The following PARD3B variants were observed in gnomAD, a reference collection of about 807,000 sequenced individuals.
PARD3B encodes partitioning defective 3 homolog B.
Under a neutral mutation model 130.2 loss-of-function variants are expected in PARD3B, and 103 were observed. The observed-to-expected ratio is 0.79, with a 90% CI of 0.67 to 0.93. PARD3B has a LOEUF of 0.93. PARD3B is among the 40% of genes least tolerant of loss of function. The probability of loss-of-function intolerance (pLI) is 0.00; values close to 1 mark genes in which losing one functional copy is unlikely to be tolerated. For missense variants in PARD3B, 1,609 were observed against 1,499.2 expected (o/e 1.07, Z -1.21); for synonymous variants, 583 against 553.2 (o/e 1.05, Z -0.76).
chr2:205,149,000 C>A (rs1254117927), intron 10 of PARD3B, among the ~76,000 whole-genome samples: 1 of 152,124 alleles, frequency 6.6e-6, no homozygotes, highest in Admixed American at 6.5e-5. Flanking sequence ...CTGGTGGATT[C>A]CCCTGGGCTT....
chr2:205,107,313 T>A (rs1703296919), intron 5 of PARD3B, among the ~76,000 whole-genome samples: 1 of 152,198 alleles, frequency 6.6e-6, no homozygotes, highest in African/African-American at 2.4e-5. Context: ...TTTAGATAAG[T>A]CTTGGGTTTG....
rs991564813 is a variant in PARD3B at position 205,617,326 on chromosome 2, A to T, written c.*1513A>T. On this transcript the variant is annotated 3_prime_UTR_variant, in exon 23 of 23. Transcript: ENST00000406610. Reference sequence around the variant, plus strand: ...TTTGAAATGCTTTAAGCCTTTTCACATTCCTTCTTTATTCCCTCCAAAAAA... The same window carrying T: ...TTTGAAATGCTTTAAGCCTTTTCACTTTCCTTCTTTATTCCCTCCAAAAAA... The T allele has an allele frequency of 2.6e-5, 4 of 152,154 alleles. No individual in the cohort carries two copies. The highest frequency in any genetic ancestry group is 2.0e-4 in the Admixed American group (3 of 15,268). 9.4% of individuals were successfully genotyped at this position (152,154 alleles called of 1,614,324 possible). A position where few individuals can be genotyped will look rare whatever the true frequency, so the allele number is the denominator to read the frequency against.
chr2:204,564,477 A>G (rs747090199), intron 1 of PARD3B, among the ~76,000 whole-genome samples: 23 of 152,208 alleles, frequency 1.5e-4, no homozygotes, highest in Non-Finnish European at 3.2e-4. Flanking sequence ...TTTTCTTAGA[A>G]GACCTGAGGG....
intron 2 of PARD3B, among the ~76,000 whole-genome samples, chr2:204,881,300 A>G (rs2046036364): frequency 3.3e-5 from 5 of 152,122 alleles, no homozygotes; most frequent in Non-Finnish European, 7.4e-5. Context: ...TAATTATATT[A>G]CTTAAATCCC....
At chr2:204,838,969 G>C (rs1039720659) in intron 2 of PARD3B, among the ~76,000 whole-genome samples, 1 of 152,186 alleles carries the variant, frequency 6.6e-6, no homozygotes. Context: ...TTCACTATGT[G>C]TAGATCATAA....
chr2:205,168,288 GGAGAGAGAGAGAGAGA>G (rs761018109), intron 11 of PARD3B, among the ~76,000 whole-genome samples: 4 of 126,844 alleles, frequency 3.2e-5, no homozygotes, highest in Non-Finnish European at 6.4e-5. Context: ...GGTGAGAAAG[GGAGAGAGAGAGAGAGA>G]GAGAGAGAGA....
At chr2:205,381,175 T>TATATAATATATAAAGA (rs1559036074) in intron 18 of PARD3B, among the ~76,000 whole-genome samples, 1 of 119,936 alleles carries the variant, frequency 8.3e-6, no homozygotes, top group Non-Finnish European at 1.6e-5. Context: ...GAATATATAA[T>TATATAATATATAAAGA]ATATATAAAG....
chr2:205,191,075 G>GAAA lies in PARD3B; in HGVS notation c.2025-2116_2025-2114dup, dbSNP rs5837960. On this transcript the variant is annotated intron_variant, in intron 14 of 22. Coordinates refer to ENST00000406610, the MANE Select transcript of PARD3B (RefSeq NM_001302769.2). Reference sequence around the variant, plus strand: ...GTACCCAGACACCAGGAAAGAAATAGAAAAAAAAAAAAAAAAGGCTACATA... The same window carrying GAAA: ...GTACCCAGACACCAGGAAAGAAATAGAAAAAAAAAAAAAAAAAAAGGCTACATA... 4.1e-3 allele frequency among the ~76,000 whole-genome samples: 401 copies of GAAA among 97,720 alleles called. 4 individuals carry two copies. The highest frequency in any genetic ancestry group is 0.012 in the African/African-American group (337 of 28,310). The allele number at this position is 97,720 out of a possible 152,430, so 64.1% of individuals were successfully genotyped here.
rs956954378 is a variant in PARD3B at position 205,142,865 on chromosome 2, G to A, written c.1435-15857G>A. Among the ~76,000 whole-genome samples, 2 of 133,618 alleles carry A rather than the reference G, an allele frequency of 1.5e-5. No homozygotes were observed. Among genetic ancestry groups the A allele is most frequent in the African/African-American group, 5.2e-5 (2 of 38,694 alleles). 87.7% of individuals were successfully genotyped at this position (133,618 alleles called of 152,430 possible). ...TGCACTCCAGCCTGGGTGACAGGAT[G>A]AGACTTCGGTCTCAAAAAATAAATA... On this transcript the variant is annotated intron_variant, in intron 10 of 22. Transcript: ENST00000406610. The surrounding 1 kb of genome is among the most constrained non-coding windows in gnomAD (Gnocchi z 4.3).
Position 204,545,817 on chromosome 2 carries a change from C to G in PARD3B, c.-183C>G, listed in dbSNP as rs2125035915. Reference sequence around the variant, plus strand: ...CGCGGCCGCCCCTCCCCGATTCCCGCCACCTGCCGCCTGGCCAGGTGGAAG... The same window carrying G: ...CGCGGCCGCCCCTCCCCGATTCCCGGCACCTGCCGCCTGGCCAGGTGGAAG... On this transcript the variant is annotated 5_prime_UTR_variant, in exon 1 of 23. Coordinates refer to ENST00000406610, the MANE Select transcript of PARD3B (RefSeq NM_001302769.2). The G allele has an allele frequency of 1.7e-6, 1 of 596,374 alleles. No individual in the cohort carries two copies. Among genetic ancestry groups the G allele is most frequent in the East Asian group, 3.6e-5 (1 of 28,008 alleles). The allele number at this position is 596,374 out of a possible 1,614,324, so 36.9% of individuals were successfully genotyped here. A position where few individuals can be genotyped will look rare whatever the true frequency, so the allele number is the denominator to read the frequency against.
At chr2:205,255,742 G>A (rs1261281709) in intron 16 of PARD3B, among the ~76,000 whole-genome samples, 1 of 151,930 alleles carries the variant, frequency 6.6e-6, no homozygotes, top group Non-Finnish European at 1.5e-5. Context: ...GGATGGAAGA[G>A]ATGAATAGAA....
rs146243242 is a variant in PARD3B at position 205,301,333 on chromosome 2, G to A, written c.2393-131G>A. On this transcript the variant is annotated intron_variant, in intron 17 of 22. Coordinates refer to ENST00000406610, the MANE Select transcript of PARD3B (RefSeq NM_001302769.2). This position sits in a 1 kb window ranked among gnomAD's most constrained non-coding sequence, Gnocchi z 5.2. ...GCAGTCAGATCTTCAAAGGGCGCAC[G>A]TAACCACATAGAAGGGTAGAACTAC... 2,303 of 1,454,386 alleles carry A rather than the reference G, an allele frequency of 1.6e-3. 17 individuals are homozygous for A. Among genetic ancestry groups the A allele is most frequent in the Middle Eastern group, 1.8e-3 (7 of 3,900 alleles). The allele number at this position is 1,454,386 out of a possible 1,614,324, so 90.1% of individuals were successfully genotyped here. A position where few individuals can be genotyped will look rare whatever the true frequency, so the allele number is the denominator to read the frequency against.
chr2:205,052,407 T>TTATATATATATGTATATATA, intron 4 of PARD3B, among the ~76,000 whole-genome samples: 1 of 108,474 alleles, frequency 9.2e-6, no homozygotes, highest in South Asian at 3.1e-4. Context: ...CATGTGTATT[T>TTATATATATATGTATATATA]TATATATATA....
chr2:205,035,995 T>C (rs1465507983), intron 3 of PARD3B, among the ~76,000 whole-genome samples: 1 of 145,402 alleles, frequency 6.9e-6, no homozygotes, highest in Admixed American at 7.0e-5. Context: ...GTAGAATATA[T>C]ATAATGGCCT....
intron 10 of PARD3B, among the ~76,000 whole-genome samples, chr2:205,152,513 A>G (rs1452725206): frequency 2.6e-5 from 4 of 152,104 alleles, no homozygotes; most frequent in South Asian, 2.1e-4. Context: ...TTGATCTTCA[A>G]TCACTGATAC....
intron 21 of PARD3B, among the ~76,000 whole-genome samples, chr2:205,519,283 T>C (rs2050929737): frequency 6.6e-6 from 1 of 152,230 alleles, no homozygotes; most frequent in Admixed American, 6.5e-5. Flanking sequence ...TTTTAAATTG[T>C]TTTTTCTCTA....
Position 205,517,176 on chromosome 2 carries a change from G to T in PARD3B, c.3180+17145G>T, listed in dbSNP as rs541711952. Reference sequence around the variant, plus strand: ...GCTGGGTTCTGTTTGCAAGTATTTTGTTGAGGATTTTTGCATCAGTGTTCA... The same window carrying T: ...GCTGGGTTCTGTTTGCAAGTATTTTTTTGAGGATTTTTGCATCAGTGTTCA... On this transcript the variant is annotated intron_variant, in intron 21 of 22. Coordinates refer to ENST00000406610, the MANE Select transcript of PARD3B (RefSeq NM_001302769.2). Among the ~76,000 whole-genome samples the T allele has an allele frequency of 3.9e-4, 59 of 152,148 alleles. 1 individual carries two copies. The South Asian group carries it at 0.011, about 28-fold the overall frequency.
intron 2 of PARD3B, among the ~76,000 whole-genome samples, chr2:204,826,807 G>C (rs1047552832): frequency 6.6e-6 from 1 of 152,028 alleles, no homozygotes; most frequent in African/African-American, 2.4e-5. Flanking sequence ...ATGGCTTGAG[G>C]CCAAGAGTGG....
rs753033092 is a variant in PARD3B, at chr2:205,187,924, G to A, written c.2024+2061G>A. Among the ~76,000 whole-genome samples, 5 of 152,130 alleles carry A rather than the reference G, an allele frequency of 3.3e-5. No individual in the cohort carries two copies. Among genetic ancestry groups the A allele is most frequent in the Non-Finnish European group, 7.3e-5 (5 of 68,030 alleles). On this transcript the variant is annotated intron_variant, in intron 14 of 22. Transcript: ENST00000406610. The surrounding 1 kb of genome is among the most constrained non-coding windows in gnomAD (Gnocchi z 4.9). ...CTTCATTCTTCTTTTCCACTCTGCA[G>A]TATTTGGTTATTAAGTCATTTATTC...
Sources: allele counts gnomAD v4.1 joint callset (sites outside exome capture counted in the v4.1 genomes callset), GRCh38; gene constraint gnomAD v4.1.1; non-coding constraint Gnocchi (gnomAD v3.1); transcripts MANE v1.5; gene names NCBI Gene and HGNC (gene_info 2026-07-23, HGNC 2026-07-21).